The following DLG2 variants were observed in gnomAD, a reference collection of about 807,000 sequenced individuals.
DLG2 encodes the protein discs large MAGUK scaffold protein 2.
In DLG2, 45 loss-of-function variants were observed where a neutral mutation model predicts 132.5. The observed-to-expected ratio is 0.34, with a 90% confidence interval of 0.27 to 0.44. DLG2 has a LOEUF of 0.44. DLG2 is among the 20% of genes least tolerant of loss of function. The pLI, the probability that DLG2 is intolerant of heterozygous loss-of-function variation, is 1.00. For synonymous variants in DLG2, 424 were observed against 419.6 expected, an observed-to-expected ratio of 1.01 and a Z score of -0.13; for missense variants, 1,045 against 1,196.9, an observed-to-expected ratio of 0.87 and a Z score of 1.87.
chr11:83,939,506 C>A (rs768395729), intron 14 of DLG2, among the ~76,000 whole-genome samples: 1 of 152,104 alleles, frequency 6.6e-6, no homozygotes, highest in East Asian at 1.9e-4. Flanking sequence ...ATTACAAAGG[C>A]CCCCAAAGAG....
chr11:84,498,205 C>T (rs2099190938), intron 7 of DLG2, among the ~76,000 whole-genome samples: 1 of 152,124 alleles, frequency 6.6e-6, no homozygotes, highest in South Asian at 2.1e-4. Context: ...TCAACATTTC[C>T]TAGGTTTGGG....
chr11:85,403,932 C>T (rs2088461147), intron 3 of DLG2, among the ~76,000 whole-genome samples: 1 of 151,886 alleles, frequency 6.6e-6, no homozygotes, highest in East Asian at 1.9e-4. Flanking sequence ...GTAGAAGGGA[C>T]AAGATTTGTT....
intron 6 of DLG2, among the ~76,000 whole-genome samples, chr11:84,580,120 A>C (rs2099512948): frequency 6.6e-6 from 1 of 152,172 alleles, no homozygotes; most frequent in East Asian, 1.9e-4. Flanking sequence ...TAAATGAGGA[A>C]ATAGTATGAG....
intron 7 of DLG2, among the ~76,000 whole-genome samples, chr11:84,399,189 T>C (rs2098821062): frequency 6.6e-6 from 1 of 152,128 alleles, no homozygotes; most frequent in African/African-American, 2.4e-5. Context: ...GGGAATGCCT[T>C]TCCCTCTGTA....
intron 3 of DLG2, among the ~76,000 whole-genome samples, chr11:85,287,343 A>C (rs2078623323): frequency 6.6e-6 from 1 of 152,112 alleles, no homozygotes; most frequent in African/African-American, 2.4e-5. Context: ...AAACTAAAAG[A>C]AAAGAATTGG....
intron 4 of DLG2, among the ~76,000 whole-genome samples, chr11:85,154,873 T>C (rs1367615109): frequency 1.3e-5 from 2 of 152,178 alleles, no homozygotes; most frequent in African/African-American, 4.8e-5. Context: ...AATTTTAAAT[T>C]TCAAAGGTTT....
intron 3 of DLG2, among the ~76,000 whole-genome samples, chr11:85,316,410 T>C (rs1400487791): frequency 6.6e-6 from 1 of 152,022 alleles, no homozygotes; most frequent in Non-Finnish European, 1.5e-5. Context: ...TTTTTAAATA[T>C]CTGGTACTAT....
chr11:84,556,638 T>G (rs1437213896), intron 6 of DLG2, among the ~76,000 whole-genome samples: 1 of 152,154 alleles, frequency 6.6e-6, no homozygotes, highest in African/African-American at 2.4e-5. Context: ...AGGCCGCAGG[T>G]TGGACAAGCT....
At chr11:85,610,048 G>A (rs2080882475) in intron 2 of DLG2, among the ~76,000 whole-genome samples, 1 of 152,120 alleles carries the variant, frequency 6.6e-6, no homozygotes, top group African/African-American at 2.4e-5. Context: ...TCCCCTACTT[G>A]AGAAGGGAAT....
At chr11:84,456,175 C>A (rs2099064869) in intron 7 of DLG2, among the ~76,000 whole-genome samples, 1 of 151,156 alleles carries the variant, frequency 6.6e-6, no homozygotes, top group Non-Finnish European at 1.5e-5. Context: ...CTGCATGGAC[C>A]AAATTTTTAA....
At chr11:83,720,091 G>A (rs1472734269) in intron 18 of DLG2, among the ~76,000 whole-genome samples, 1 of 151,630 alleles carries the variant, frequency 6.6e-6, no homozygotes, top group Admixed American at 6.6e-5. Context: ...TCAGGAGCTC[G>A]AGACCAGCCT....
intron 7 of DLG2, among the ~76,000 whole-genome samples, chr11:84,352,382 C>G (rs1301847889): frequency 6.6e-6 from 1 of 152,136 alleles, no homozygotes; most frequent in African/African-American, 2.4e-5. Context: ...CCTTGACACA[C>G]TATTAAGTGA....
intron 6 of DLG2, among the ~76,000 whole-genome samples, chr11:84,993,889 G>A (rs1253456557): frequency 6.6e-6 from 1 of 151,758 alleles, no homozygotes; most frequent in Non-Finnish European, 1.5e-5. Flanking sequence ...CCAAATCAGG[G>A]GTCTGCAGGA....
At chr11:83,958,936 A>C (rs1240090471) in intron 14 of DLG2, among the ~76,000 whole-genome samples, 5 of 152,160 alleles carry the variant, frequency 3.3e-5, no homozygotes, top group African/African-American at 1.2e-4. Flanking sequence ...TGGCCCAACC[A>C]GAAAGAGAGA....
At chr11:84,631,006 TCTCTCTCTCTCTCACACACACACA>T (rs1287191383) in intron 6 of DLG2, among the ~76,000 whole-genome samples, 1 of 129,758 alleles carries the variant, frequency 7.7e-6, no homozygotes, top group African/African-American at 3.3e-5. Flanking sequence ...TCTCTCTCTC[TCTCTCTCTCTCTCACACACACACA>T]CACACACACA....
chr11:84,359,354 C>T (rs1165884905), intron 7 of DLG2, among the ~76,000 whole-genome samples: 1 of 151,850 alleles, frequency 6.6e-6, no homozygotes, highest in Non-Finnish European at 1.5e-5. Context: ...CACCCCATCT[C>T]TGCTAGACGA....
intron 5 of DLG2, among the ~76,000 whole-genome samples, chr11:85,141,887 A>G (rs1358026599): frequency 6.6e-6 from 1 of 151,604 alleles, no homozygotes; most frequent in Non-Finnish European, 1.5e-5. Context: ...TTATTTTTGC[A>G]TTCTCTATTC....
chr11:84,739,462 A>G (rs2064299038), intron 6 of DLG2, among the ~76,000 whole-genome samples: 1 of 152,192 alleles, frequency 6.6e-6, no homozygotes, highest in Non-Finnish European at 1.5e-5. Context: ...ATGTTTGCCA[A>G]GATCACTCAG....
At chr11:84,056,063 GT>G (rs554498717) in intron 11 of DLG2, among the ~76,000 whole-genome samples, 5 of 150,136 alleles carry the variant, frequency 3.3e-5, no homozygotes, top group East Asian at 2.0e-4. Context: ...CACATGTTAA[GT>G]TTTTTTTTTC....
Sources: allele counts gnomAD v4.1 joint callset (sites outside exome capture counted in the v4.1 genomes callset), GRCh38; gene constraint gnomAD v4.1.1; transcripts MANE v1.5; gene names NCBI Gene and HGNC (gene_info 2026-07-23, HGNC 2026-07-21).